MAPK12: variants seen among roughly 807,000 people sequenced by gnomAD.
MAPK12 encodes the protein mitogen-activated protein kinase 12.
Under a neutral mutation model 49.1 loss-of-function variants are expected in MAPK12, and 49 were observed. That is an observed-to-expected ratio of 1.00 (90% CI 0.79 to 1.27). The LOEUF (loss-of-function observed/expected upper bound fraction) is 1.27, where lower values mean the gene tolerates loss of function less well. MAPK12 is among the 50% of genes most tolerant of loss of function. The pLI, the probability that MAPK12 is intolerant of heterozygous loss-of-function variation, is 0.00. For synonymous variants in MAPK12, 251 were observed against 209.7 expected (o/e 1.20, Z -1.70); for missense variants, 554 against 502.4 (o/e 1.10, Z -0.98).
At position 50,255,881 on chromosome 22, in the gene MAPK12, A is replaced by G. The variant is rs2065145124; in HGVS notation, c.620T>C (p.Val207Ala). ...ILNWMRYTQT[V>A]DIWSVGCIMA... ...GATGCAGCCCACAGACCAGATGTCC[A>G]CTGAGATAGAAGCCCTGGTCAGCTC... The change falls in exon 8 of 12, where the codon GTG becomes GCG. Residue 207 changes from valine (V) to alanine (A), a missense_variant and splice_region_variant. Coordinates refer to ENST00000215659, the MANE Select transcript of MAPK12 (RefSeq NM_002969.6). 1 of 1,612,466 alleles carries G rather than the reference A, an allele frequency of 6.2e-7. No homozygotes were observed. The highest frequency in any genetic ancestry group is 1.7e-5 in the Admixed American group (1 of 59,994).
chr22:50,258,937 A>T (rs1421988030), intron 2 of MAPK12, among the ~76,000 whole-genome samples: 1 of 152,190 alleles, frequency 6.6e-6, no homozygotes, highest in African/African-American at 2.4e-5. Flanking sequence ...AGGAGGGAGC[A>T]CACTTGGATA....
intron 7 of MAPK12, 86 bp from the exon 8 acceptor site, chr22:50,255,967 C>T (rs569910478): frequency 2.6e-5 from 39 of 1,500,702 alleles, no homozygotes; most frequent in Admixed American, 2.0e-4. Flanking sequence ...CCCACCTGCC[C>T]GGCTCCCACC....
chr22:50,255,601 C>A lies in MAPK12; in HGVS notation c.771+14G>T, dbSNP rs767409949. 2 of 1,612,444 alleles carry A rather than the reference C, an allele frequency of 1.2e-6. No homozygotes were observed. The highest frequency in any genetic ancestry group is 1.7e-4 in the Middle Eastern group (1 of 6,060). ...CCGCCCCCACCCCCACCCAGCTCCC[C>A]ACTCACCCCTTACCTCATCGCTCTG... On this transcript the variant is annotated intron_variant, in intron 9 of 11. Coordinates refer to ENST00000215659, the MANE Select transcript of MAPK12 (RefSeq NM_002969.6).
chr22:50,254,937 T>C lies in MAPK12; in HGVS notation c.1024+260A>G, dbSNP rs928957028. On this transcript the variant is annotated intron_variant, in intron 11 of 11. Transcript: ENST00000215659. ...CTTCCAGCTCCAGCCAGAGGTCATCTCCACCAGGCCACACGGCCCCATGCT... is the reference window on the plus strand; with the variant it reads ...CTTCCAGCTCCAGCCAGAGGTCATCCCCACCAGGCCACACGGCCCCATGCT... The C allele has an allele frequency of 3.2e-4, 432 of 1,368,462 alleles. 3 individuals are homozygous for C. The highest frequency in any genetic ancestry group is 9.0e-5 in the Non-Finnish European group (95 of 1,056,976). 84.8% of individuals were successfully genotyped at this position (1,368,462 alleles called of 1,614,324 possible).
chr22:50,254,669 CA>C, intron 11 of MAPK12: 1 of 1,014,830 alleles, frequency 9.9e-7, no homozygotes, highest in Non-Finnish European at 1.2e-6. Flanking sequence ...AAAAATGGGG[CA>C]AGGAGAGGCA....
rs1569144486 is a variant in MAPK12 at position 50,261,058 on chromosome 22, G to GCCCC, written c.255+108_255+109insGGGG. 23 of 1,289,344 alleles carry GCCCC rather than the reference G, an allele frequency of 1.8e-5. No homozygotes were observed. In the East Asian group the frequency reaches 4.6e-4, roughly 26 times the overall value. The allele number at this position is 1,289,344 out of a possible 1,614,324, so 79.9% of individuals were successfully genotyped here. Reference sequence around the variant, plus strand: ...GGGACCCACGGCCCGACCCCCGCCCGGCCCCACAGCAGGCTGCCTGGAGGA... The same window carrying GCCCC: ...GGGACCCACGGCCCGACCCCCGCCCGCCCCGCCCCACAGCAGGCTGCCTGGAGGA... On this transcript the variant is annotated intron_variant, in intron 2 of 11. Transcript: ENST00000215659.
Position 50,261,595 on chromosome 22 carries a change from G to A in MAPK12, c.-86C>T. On this transcript the variant is annotated 5_prime_UTR_variant, in exon 1 of 12. Transcript: ENST00000215659. Reference sequence around the variant, plus strand: ...CGGGGCTCCCTCGGCGCGCGCCTCGGGCCGGCTCCGCGCCGCTCGTCCGCT... The same window carrying A: ...CGGGGCTCCCTCGGCGCGCGCCTCGAGCCGGCTCCGCGCCGCTCGTCCGCT... The A allele has an allele frequency of 9.9e-7, 1 of 1,011,830 alleles. No individual in the cohort carries two copies. The highest frequency in any genetic ancestry group is 1.2e-6 in the Non-Finnish European group (1 of 848,916). The allele number at this position is 1,011,830 out of a possible 1,614,324, so 62.7% of individuals were successfully genotyped here. A position where few individuals can be genotyped will look rare whatever the true frequency, so the allele number is the denominator to read the frequency against.
intron 5 of MAPK12, 34 bp from the exon 6 acceptor site, chr22:50,256,680 ACCCT>A (rs2065153805): frequency 1.3e-6 from 2 of 1,592,402 alleles, no homozygotes; most frequent in South Asian, 2.3e-5. Flanking sequence ...ACTGTGCCCC[ACCCT>A]CCCAAGCATG....
At chr22:50,256,345 T>A in intron 6 of MAPK12, 146 bp from the exon 7 acceptor site, 1 of 742,772 alleles carries the variant, frequency 1.3e-6, no homozygotes, top group Non-Finnish European at 2.2e-6. Flanking sequence ...GGCCACGCCC[T>A]CGGACCCCAA....
intron 11 of MAPK12, chr22:50,254,712 C>A (rs1011851232): frequency 3.7e-6 from 4 of 1,068,736 alleles, no homozygotes; most frequent in African/African-American, 1.7e-5. Context: ...AGCAGAGAGG[C>A]CTTAGGGACA....
intron 6 of MAPK12, 106 bp from the exon 7 acceptor site, chr22:50,256,305 G>T: frequency 4.7e-6 from 4 of 856,806 alleles, no homozygotes; most frequent in Non-Finnish European, 7.3e-6. Flanking sequence ...CTCCCAAGCT[G>T]GGGCCTCCTG....
At chr22:50,260,245 G>T (rs537105845) in intron 2 of MAPK12, among the ~76,000 whole-genome samples, 1 of 151,122 alleles carries the variant, frequency 6.6e-6, no homozygotes, top group East Asian at 1.9e-4. Flanking sequence ...TTTGCTGGTG[G>T]ACGGGGCACT....
At chr22:50,258,352 C>T in intron 2 of MAPK12, 51 bp from the exon 3 acceptor site, 1 of 1,523,476 alleles carries the variant, frequency 6.6e-7, no homozygotes, top group Non-Finnish European at 9.1e-7. Flanking sequence ...CGGGCTGGGG[C>T]ACCCCCCAAG....
chr22:50,259,184 G>A (rs954595739), intron 2 of MAPK12, among the ~76,000 whole-genome samples: 3 of 152,224 alleles, frequency 2.0e-5, no homozygotes, highest in South Asian at 2.1e-4. Flanking sequence ...CAGCTCCGCC[G>A]GAGCCACGTG....
rs771454677 is a variant in MAPK12, at chr22:50,258,306, G to A, written c.256-5C>T. ...TACGTCCAGCAGCCCGATCACCTGG[G>A]GGGGCCACATAGGGTTGAGAATGCA... On this transcript the variant is annotated splice_polypyrimidine_tract_variant and splice_region_variant and intron_variant, in intron 2 of 11. Transcript: ENST00000215659. The A allele has an allele frequency of 1.2e-6, 2 of 1,612,844 alleles. No homozygotes were observed. The highest frequency in any genetic ancestry group is 1.1e-5 in the South Asian group (1 of 91,080).
At chr22:50,260,512 C>CA (rs1178823855) in intron 2 of MAPK12, among the ~76,000 whole-genome samples, 12 of 152,142 alleles carry the variant, frequency 7.9e-5, no homozygotes, top group African/African-American at 2.7e-4. Context: ...AGGCCCAGGG[C>CA]AGCTGTACGT....
intron 11 of MAPK12, 22 bp from the exon 12 acceptor site, chr22:50,253,502 G>GGGCGCC: frequency 1.7e-5 from 3 of 171,680 alleles, no homozygotes; most frequent in East Asian, 1.5e-4. Flanking sequence ...GGGGGGGCGG[G>GGGCGCC]CACAACAGAG....
rs753334645 is a variant in MAPK12 at position 50,261,250 on chromosome 22, G to A, written c.172C>T (p.Leu58=). 1 of 1,568,996 alleles carries A rather than the reference G, an allele frequency of 6.4e-7. No individual in the cohort carries two copies. Among genetic ancestry groups the A allele is most frequent in the Non-Finnish European group, 8.6e-7 (1 of 1,159,408 alleles). The change falls in exon 2 of 12, where the codon CTG becomes TTG. Residue 58 remains leucine, a synonymous_variant. Transcript: ENST00000215659. ...RTGAKVAIKK[L]YRPFQSELFA... is the part of the protein sequence containing the mutation. ...AGCTCGGACTGGAAAGGCCGATACA[G>A]CTTCTTGATGGCCACCTTAGCGCCG...
In MAPK12 at chr22:50,257,018, G is replaced by C; in HGVS notation, c.427-54C>G. 5 of 1,602,972 alleles carry C rather than the reference G, an allele frequency of 3.1e-6. No individual in the cohort carries two copies. In the South Asian group the frequency reaches 4.4e-5, roughly 14 times the overall value. ...TCAGCGCACCCTCTCAGAGCCACAG[G>C]GCCCTCCTCTGCCCAGCCCCGAGGC... is the stretch of plus-strand genomic sequence containing the variant. On this transcript the variant is annotated intron_variant, in intron 4 of 11. Coordinates refer to ENST00000215659, the MANE Select transcript of MAPK12 (RefSeq NM_002969.6).
Sources: allele counts gnomAD v4.1 joint callset (sites outside exome capture counted in the v4.1 genomes callset), GRCh38; gene constraint gnomAD v4.1.1; transcripts MANE v1.5; gene names NCBI Gene and HGNC (gene_info 2026-07-23, HGNC 2026-07-21).